The following CBLN2 variants were observed in gnomAD, a reference collection of about 807,000 sequenced individuals.
The protein encoded by CBLN2 is cerebellin 2 precursor.
A neutral mutation model predicts 15.0 loss-of-function variants in CBLN2; 7 were observed. The observed-to-expected ratio is 0.47, with a 90% CI of 0.27 to 0.88. The LOEUF (loss-of-function observed/expected upper bound fraction) is 0.88. CBLN2 is among the 40% of genes least tolerant of loss of function. The probability of loss-of-function intolerance (pLI) is 0.14; values close to 1 mark genes in which losing one functional copy is unlikely to be tolerated. For synonymous variants in CBLN2, 149 were observed against 135.2 expected (o/e 1.10, Z -0.71); for missense variants, 242 against 304.5 (o/e 0.79, Z 1.53).
In CBLN2 at chr18:72,541,946, G is replaced by C. The variant is rs373648257; in HGVS notation, c.215C>G (p.Pro72Arg). 9 of 1,607,598 alleles carry C rather than the reference G, an allele frequency of 5.6e-6. No homozygotes were observed. In the African/African-American group the frequency reaches 1.1e-4, roughly 19 times the overall value. ...GGAGGTGACGGCGCCGTCCGCCGACGGGCTGGAGTCGCACACCACCAGGCA... is the reference window on the plus strand; with the variant it reads ...GGAGGTGACGGCGCCGTCCGCCGACCGGCTGGAGTCGCACACCACCAGGCA... Reference protein sequence around the residue: ...GKCLVVCDSSPSADGAVTSSL... With the variant: ...GKCLVVCDSSRSADGAVTSSL... Residue 72 changes from proline (P) to arginine (R), a missense_variant, in exon 3 of 5, where the codon CCG becomes CGG. Physicochemically the swap from Pro to Arg is moderately radical, Grantham distance 103 (BLOSUM62 -2). This residue lies in a region of CBLN2 where 89 missense variants were observed against 114.2 expected (regional missense o/e 0.78). Coordinates refer to ENST00000269503, the MANE Select transcript of CBLN2 (RefSeq NM_182511.4).
chr18:72,605,912 A>G (rs2069580593), intron 1 of CBLN2, among the ~76,000 whole-genome samples: 1 of 152,050 alleles, frequency 6.6e-6, no homozygotes. Context: ...AAACACTACA[A>G]TGGCACCTGT....
At chr18:72,637,041 CA>C (rs113009406) in intron 1 of CBLN2, among the ~76,000 whole-genome samples, 2,241 of 127,514 alleles carry the variant, frequency 0.018, 16 homozygotes, top group Non-Finnish European at 0.022. Flanking sequence ...AACAAAACTG[CA>C]AAAAAAAAAA....
chr18:72,572,074 A>G (rs1380029441), intron 1 of CBLN2, among the ~76,000 whole-genome samples: 1 of 152,214 alleles, frequency 6.6e-6, no homozygotes, highest in East Asian at 1.9e-4. Context: ...AGGCTTTTGC[A>G]TCGACTATTA....
At chr18:72,566,585 G>T (rs1372111238) in intron 1 of CBLN2, among the ~76,000 whole-genome samples, 1 of 152,146 alleles carries the variant, frequency 6.6e-6, no homozygotes, top group Non-Finnish European at 1.5e-5. Context: ...TGTCACTCAT[G>T]TATGGAATCT....
upstream of CBLN2, among the ~76,000 whole-genome samples, chr18:72,546,472 G>A (rs978721110): frequency 4.0e-5 from 6 of 151,774 alleles, no homozygotes; most frequent in East Asian, 1.2e-3. Context: ...TAAGTCAAGT[G>A]TTGGAATTTT....
chr18:72,583,135 G>A (rs1053673713), intron 1 of CBLN2, among the ~76,000 whole-genome samples: 5 of 152,240 alleles, frequency 3.3e-5, no homozygotes, highest in African/African-American at 9.6e-5. Flanking sequence ...ACAAGAGTGA[G>A]GTCTGATCAG....
At chr18:72,604,974 C>T (rs916577155) in intron 1 of CBLN2, among the ~76,000 whole-genome samples, 1 of 152,188 alleles carries the variant, frequency 6.6e-6, no homozygotes, top group Admixed American at 6.5e-5. Flanking sequence ...AAATACTATT[C>T]CTTCAGACCT....
At chr18:72,574,636 G>A (rs1339316466) in intron 1 of CBLN2, among the ~76,000 whole-genome samples, 1 of 152,162 alleles carries the variant, frequency 6.6e-6, no homozygotes, top group African/African-American at 2.4e-5. Context: ...AAGTATATGG[G>A]TGCAGATGCT....
chr18:72,548,787 C>A (rs987013438), upstream of CBLN2, among the ~76,000 whole-genome samples: 1 of 152,148 alleles, frequency 6.6e-6, no homozygotes, highest in Non-Finnish European at 1.5e-5. Flanking sequence ...GCATCCTCTG[C>A]ATACTCTGTC....
At chr18:72,635,870 A>C (rs750363861) in intron 1 of CBLN2, among the ~76,000 whole-genome samples, 4 of 152,054 alleles carry the variant, frequency 2.6e-5, no homozygotes, top group Non-Finnish European at 5.9e-5. Context: ...CTTCATGCAC[A>C]TCAATGGGGA....
At chr18:72,608,373 C>A (rs991096227) in intron 1 of CBLN2, among the ~76,000 whole-genome samples, 7 of 152,160 alleles carry the variant, frequency 4.6e-5, no homozygotes, top group African/African-American at 1.7e-4. Flanking sequence ...GGCTCCCATG[C>A]ACAGTGTCTC....
chr18:72,583,938 A>T (rs1397796969), intron 1 of CBLN2, among the ~76,000 whole-genome samples: 4 of 152,218 alleles, frequency 2.6e-5, no homozygotes, highest in Non-Finnish European at 4.4e-5. Context: ...TGTGCAGGAC[A>T]CTGCTAAACT....
chr18:72,560,455 C>T (rs907050445), intron 1 of CBLN2, among the ~76,000 whole-genome samples: 5 of 117,764 alleles, frequency 4.2e-5, no homozygotes, highest in African/African-American at 7.8e-5. Flanking sequence ...TATAGAAAAA[C>T]GTTTGAATTA....
chr18:72,566,622 T>C (rs1018422591), intron 1 of CBLN2, among the ~76,000 whole-genome samples: 1 of 152,084 alleles, frequency 6.6e-6, no homozygotes, highest in African/African-American at 2.4e-5. Context: ...TAGAATTCAA[T>C]AGAGTGGTGG....
intron 1 of CBLN2, among the ~76,000 whole-genome samples, chr18:72,594,444 C>CTT (rs199998229): frequency 5.7e-5 from 8 of 139,654 alleles, no homozygotes; most frequent in Non-Finnish European, 9.5e-5. Flanking sequence ...CTGTAGTTCT[C>CTT]TTTTTTTTTT....
At chr18:72,562,677 C>A (rs2069269438) in intron 1 of CBLN2, among the ~76,000 whole-genome samples, 1 of 152,146 alleles carries the variant, frequency 6.6e-6, no homozygotes, top group South Asian at 2.1e-4. Flanking sequence ...TATTTAGAGT[C>A]TTTGGAAACA....
chr18:72,563,741 C>T (rs914982318), intron 1 of CBLN2, among the ~76,000 whole-genome samples: 4 of 152,172 alleles, frequency 2.6e-5, no homozygotes, highest in African/African-American at 9.7e-5. Context: ...CTCAGGTCCC[C>T]TCTGCACATG....
intron 1 of CBLN2, among the ~76,000 whole-genome samples, chr18:72,631,885 A>G (rs2069779119): frequency 6.6e-6 from 1 of 152,172 alleles, no homozygotes; most frequent in Non-Finnish European, 1.5e-5. Context: ...ACAAATATTG[A>G]CATATGTAAT....
intron 1 of CBLN2, among the ~76,000 whole-genome samples, chr18:72,589,740 G>C (rs1465835671): frequency 1.3e-5 from 2 of 152,226 alleles, no homozygotes; most frequent in African/African-American, 2.4e-5. Context: ...CCATGTCTGA[G>C]AAAATTAGAA....
Sources: allele counts gnomAD v4.1 joint callset (sites outside exome capture counted in the v4.1 genomes callset), GRCh38; gene constraint gnomAD v4.1.1; regional missense constraint gnomAD v4.1.1; transcripts MANE v1.5; gene names NCBI Gene and HGNC (gene_info 2026-07-23, HGNC 2026-07-21).